PTPRD: variants seen among roughly 807,000 people sequenced by gnomAD.
PTPRD encodes protein tyrosine phosphatase receptor type D, also known as receptor-type tyrosine-protein phosphatase delta.
Under a neutral mutation model 214.5 loss-of-function variants are expected in PTPRD, and 34 were observed. The ratio of observed to expected loss-of-function variants is 0.16; its 90% CI spans 0.12 to 0.21. The LOEUF is 0.21. Ranked by LOEUF, PTPRD falls within the 10% of genes least tolerant of loss-of-function variation. The pLI, the probability that PTPRD is intolerant of heterozygous loss-of-function variation, is 1.00. For missense variants in PTPRD, 2,545 were observed against 2,398.7 expected (o/e 1.06, Z -1.27); for synonymous variants, 1,128 against 845.7 (o/e 1.33, Z -5.79).
At chr9:9,683,727 A>G (rs1218643087) in intron 7 of PTPRD, among the ~76,000 whole-genome samples, 1 of 151,726 alleles carries the variant, frequency 6.6e-6, no homozygotes, top group East Asian at 1.9e-4. Context: ...AGCACATAAA[A>G]AGGTAAGAAT....
At chr9:10,562,726 T>A (rs769122383) in intron 2 of PTPRD, among the ~76,000 whole-genome samples, 1 of 152,090 alleles carries the variant, frequency 6.6e-6, no homozygotes, top group Non-Finnish European at 1.5e-5. Context: ...TCTACATGCA[T>A]AGAATAGTCC....
At chr9:8,561,143 T>C (rs1021491294) in intron 14 of PTPRD, among the ~76,000 whole-genome samples, 10 of 152,166 alleles carry the variant, frequency 6.6e-5, no homozygotes, top group Non-Finnish European at 1.5e-4. Flanking sequence ...CCACCCTTCA[T>C]GTATTTTACT....
At chr9:9,017,089 A>G (rs948489254) in intron 11 of PTPRD, among the ~76,000 whole-genome samples, 2 of 152,022 alleles carry the variant, frequency 1.3e-5, no homozygotes, top group Non-Finnish European at 2.9e-5. Flanking sequence ...TCTCCAAGAC[A>G]CTGCGACTAT....
At chr9:9,809,975 G>A (rs1189544439) in intron 5 of PTPRD, among the ~76,000 whole-genome samples, 2 of 151,984 alleles carry the variant, frequency 1.3e-5, no homozygotes, top group African/African-American at 2.4e-5. Flanking sequence ...TGAACTGTGT[G>A]AGTTCACATA....
At position 10,049,407 on chromosome 9, in the gene PTPRD, A is replaced by AAAAGAAAGAAAG. The variant is rs1165910757; in HGVS notation, c.-544-15629_-544-15618dup. On this transcript the variant is annotated intron_variant, in intron 3 of 45. Transcript: ENST00000381196. ...AAGCAGCTTCTCTGGTTAAAAAAAA[A>AAAAGAAAGAAAG]AAAGAAAGAAAGAAAGAAAGAAAGA... Among the ~76,000 whole-genome samples, 97 of 115,724 alleles carry AAAAGAAAGAAAG rather than the reference A, an allele frequency of 8.4e-4. 1 individual carries two copies. The highest frequency in any genetic ancestry group is 8.3e-4 in the South Asian group (3 of 3,604). The allele number at this position is 115,724 out of a possible 152,430, so 75.9% of individuals were successfully genotyped here.
At chr9:9,285,737 G>A (rs900663800) in intron 9 of PTPRD, among the ~76,000 whole-genome samples, 2 of 151,686 alleles carry the variant, frequency 1.3e-5, no homozygotes, top group Non-Finnish European at 2.9e-5. Flanking sequence ...ACTACTAAAT[G>A]TGTTTCTTAT....
intron 7 of PTPRD, among the ~76,000 whole-genome samples, chr9:9,628,087 G>GT (rs1036781360): frequency 1.9e-4 from 29 of 152,090 alleles, no homozygotes; most frequent in African/African-American, 6.0e-4. Context: ...CACTTATATT[G>GT]TTTCTCACAG....
At chr9:10,327,734 G>T (rs1322100581) in intron 3 of PTPRD, among the ~76,000 whole-genome samples, 1 of 151,632 alleles carries the variant, frequency 6.6e-6, no homozygotes, top group Non-Finnish European at 1.5e-5. Flanking sequence ...TCCTGAGGAA[G>T]AAAGTACAAA....
intron 14 of PTPRD, among the ~76,000 whole-genome samples, chr9:8,531,904 T>C (rs1178538076): frequency 4.6e-5 from 7 of 152,076 alleles, no homozygotes; most frequent in Admixed American, 4.6e-4. Flanking sequence ...CAAAATTGAC[T>C]TGTACCTTCC....
intron 4 of PTPRD, among the ~76,000 whole-genome samples, chr9:10,011,964 G>T (rs942289960): frequency 6.6e-6 from 1 of 151,658 alleles, no homozygotes; most frequent in East Asian, 1.9e-4. Flanking sequence ...TGTATGTTCC[G>T]GAAACTCGCT....
At chr9:9,836,136 T>C (rs1435147060) in intron 5 of PTPRD, among the ~76,000 whole-genome samples, 2 of 152,142 alleles carry the variant, frequency 1.3e-5, no homozygotes, top group Non-Finnish European at 2.9e-5. Context: ...GACAAATGTT[T>C]AAGGAAATGG....
chr9:8,917,197 C>G (rs552369545), intron 11 of PTPRD, among the ~76,000 whole-genome samples: 6 of 149,586 alleles, frequency 4.0e-5, no homozygotes, highest in African/African-American at 1.2e-4. Flanking sequence ...GGTGTGCTCT[C>G]GGCTCGCTGC....
intron 10 of PTPRD, among the ~76,000 whole-genome samples, chr9:9,045,348 C>T (rs1407518743): frequency 1.3e-5 from 2 of 152,028 alleles, no homozygotes; most frequent in Non-Finnish European, 2.9e-5. Flanking sequence ...TCAGTTATCA[C>T]AGTGCTTGAG....
intron 2 of PTPRD, among the ~76,000 whole-genome samples, chr9:10,471,597 C>A (rs1003344880): frequency 9.2e-5 from 14 of 152,032 alleles, no homozygotes; most frequent in African/African-American, 3.4e-4. Context: ...AATGAAATAA[C>A]CCACATGAAC....
intron 14 of PTPRD, among the ~76,000 whole-genome samples, chr9:8,632,329 AT>A (rs781610372): frequency 1.3e-5 from 2 of 151,918 alleles, no homozygotes; most frequent in Non-Finnish European, 2.9e-5. Context: ...AAGTAAAACC[AT>A]CCCTCCATGG....
intron 10 of PTPRD, among the ~76,000 whole-genome samples, chr9:9,028,670 G>C (rs935316376): frequency 6.6e-6 from 1 of 151,980 alleles, no homozygotes; most frequent in African/African-American, 2.4e-5. Context: ...GGTACAGAGA[G>C]AAGAATTAGT....
intron 2 of PTPRD, among the ~76,000 whole-genome samples, chr9:10,347,824 G>T (rs1410403204): frequency 6.6e-6 from 1 of 152,028 alleles, no homozygotes; most frequent in Non-Finnish European, 1.5e-5. Context: ...TTGGGAGGCC[G>T]AGGCAGGAGG....
intron 8 of PTPRD, among the ~76,000 whole-genome samples, chr9:9,398,491 T>C (rs948985173): frequency 5.9e-5 from 9 of 152,126 alleles, no homozygotes; most frequent in African/African-American, 2.2e-4. Flanking sequence ...TTCCATATTT[T>C]GTCAATCATT....
chr9:8,809,465 A>G (rs749341469), intron 11 of PTPRD, among the ~76,000 whole-genome samples: 1 of 152,042 alleles, frequency 6.6e-6, no homozygotes, highest in African/African-American at 2.4e-5. Flanking sequence ...ACGTCTTTCC[A>G]TTTTCCATAT....
Sources: allele counts gnomAD v4.1 joint callset (sites outside exome capture counted in the v4.1 genomes callset), GRCh38; gene constraint gnomAD v4.1.1; transcripts MANE v1.5; gene names NCBI Gene and HGNC (gene_info 2026-07-23, HGNC 2026-07-21).